RYR3: variants seen among roughly 807,000 people sequenced by gnomAD.
RYR3 encodes the protein ryanodine receptor 3, also known as brain ryanodine receptor-calcium release channel.
In RYR3, 207 loss-of-function variants were observed where a neutral mutation model predicts 584.3. The ratio of observed to expected loss-of-function variants is 0.35; its 90% CI spans 0.32 to 0.40. The LOEUF (loss-of-function observed/expected upper bound fraction) is 0.40. Among genes scored for constraint, RYR3 ranks in the 10% least tolerant of loss-of-function variants. RYR3 has a pLI of 1.00. For synonymous variants in RYR3, 2,416 were observed against 2,248.5 expected (o/e 1.07, Z -2.11); for missense variants, 5,616 against 6,089.2 (o/e 0.92, Z 2.59).
At chr15:33,795,285 C>T (rs2075529873) in intron 67 of RYR3, among the ~76,000 whole-genome samples, 1 of 152,046 alleles carries the variant, frequency 6.6e-6, no homozygotes, top group African/African-American at 2.4e-5. Context: ...AAGCAAGAAC[C>T]AGCTGTGGTG....
intron 18 of RYR3, among the ~76,000 whole-genome samples, chr15:33,604,401 T>C (rs1311703543): frequency 1.3e-5 from 2 of 152,268 alleles, no homozygotes; most frequent in South Asian, 2.1e-4. Flanking sequence ...CTTCTTTTAA[T>C]TGGTCTTCAT....
At chr15:33,560,103 T>C (rs2152479358) in intron 10 of RYR3, among the ~76,000 whole-genome samples, 1 of 152,342 alleles carries the variant, frequency 6.6e-6, no homozygotes, top group Middle Eastern at 3.4e-3. Context: ...GCTGGGACCA[T>C]ATTCAAGTAA....
intron 1 of RYR3, among the ~76,000 whole-genome samples, chr15:33,375,996 G>A (rs1438808999): frequency 3.3e-5 from 5 of 152,078 alleles, no homozygotes; most frequent in African/African-American, 4.8e-5. Context: ...CCCGGGAGGC[G>A]GAGCTTACAG....
At chr15:33,789,307 T>C (rs2074944924) in intron 67 of RYR3, among the ~76,000 whole-genome samples, 1 of 151,896 alleles carries the variant, frequency 6.6e-6, no homozygotes, top group Non-Finnish European at 1.5e-5. Context: ...GAGTCTGTAA[T>C]GTGATCTGAT....
chr15:33,597,070 A>G (rs1401246321), intron 16 of RYR3, among the ~76,000 whole-genome samples: 2 of 152,252 alleles, frequency 1.3e-5, no homozygotes, highest in Non-Finnish European at 2.9e-5. Flanking sequence ...ACTAAATTCA[A>G]GATACAACTA....
intron 8 of RYR3, 69 bp downstream of exon 8, chr15:33,543,784 A>G (rs1046387462): frequency 8.7e-6 from 9 of 1,030,388 alleles, no homozygotes; most frequent in African/African-American, 1.6e-5. Context: ...AAGAGTTTAC[A>G]TTGTATTTAG....
At chr15:33,573,396 A>G (rs913909656) in intron 12 of RYR3, among the ~76,000 whole-genome samples, 22 of 152,234 alleles carry the variant, frequency 1.4e-4, no homozygotes, top group Non-Finnish European at 1.3e-4. Flanking sequence ...CTGGGAGCAC[A>G]TTAAGGCTAA....
intron 1 of RYR3, among the ~76,000 whole-genome samples, chr15:33,314,502 G>A (rs1013197379): frequency 1.3e-5 from 2 of 152,088 alleles, no homozygotes; most frequent in African/African-American, 2.4e-5. Flanking sequence ...TTTTCCTTTA[G>A]ACTACAGTAT....
At chr15:33,648,986 CTGTGT>C (rs927689402) in intron 30 of RYR3, 81 bp from the exon 31 acceptor site, 160 of 1,333,176 alleles carry the variant, frequency 1.2e-4, no homozygotes, top group Middle Eastern at 8.3e-4. Context: ...AAGTGAGCTG[CTGTGT>C]TATTTCTGCC....
intron 1 of RYR3, among the ~76,000 whole-genome samples, chr15:33,324,087 A>G (rs1401899237): frequency 6.6e-6 from 1 of 152,130 alleles, no homozygotes; most frequent in East Asian, 1.9e-4. Flanking sequence ...GACATGGTAC[A>G]TGGAATTCCT....
At chr15:33,482,970 C>A (rs971539445) in intron 2 of RYR3, among the ~76,000 whole-genome samples, 11 of 152,120 alleles carry the variant, frequency 7.2e-5, no homozygotes, top group Admixed American at 7.2e-4. Context: ...TTTTCTTCAA[C>A]TATTTTTTTA....
intron 1 of RYR3, among the ~76,000 whole-genome samples, chr15:33,419,948 A>C (rs2044116892): frequency 6.6e-6 from 1 of 152,186 alleles, no homozygotes; most frequent in South Asian, 2.1e-4. Context: ...TGCCAAGCAC[A>C]CTTGAGAACT....
At chr15:33,443,392 C>T (rs76321363) in intron 1 of RYR3, among the ~76,000 whole-genome samples, 2,793 of 152,118 alleles carry the variant, frequency 0.018, 77 homozygotes, top group African/African-American at 0.061. Flanking sequence ...AGGCTACCAG[C>T]AACATTAAGA....
At chr15:33,781,860 G>GT (rs2074404004) in intron 65 of RYR3, among the ~76,000 whole-genome samples, 4 of 124,760 alleles carry the variant, frequency 3.2e-5, no homozygotes, top group Non-Finnish European at 6.6e-5. Flanking sequence ...AAAAAAAAAA[G>GT]GGGGGGGGGA....
At chr15:33,807,906 C>T (rs2076289761) in intron 70 of RYR3, 1 of 334,852 alleles carries the variant, frequency 3.0e-6, no homozygotes, top group African/African-American at 2.1e-5. Flanking sequence ...GGGACTACTC[C>T]TCGTGGTGCT....
chr15:33,800,903 G>T (rs1440459536), intron 68 of RYR3, 46 bp downstream of exon 68: 2 of 1,317,270 alleles, frequency 1.5e-6, no homozygotes, highest in African/African-American at 2.9e-5. Context: ...TGTGAAAGCT[G>T]CAGACCGTGG....
rs1232489974 is a variant in RYR3, at chr15:33,479,284, CTAAA to C, written c.171+5747_171+5750del. ...CTGAGAAAGAGATTACTGTTTCCTCCTAAAAAATTAAGTCTGTGAAGATTTGCAG... is the reference window on the plus strand; with the variant it reads ...CTGAGAAAGAGATTACTGTTTCCTCCAAATTAAGTCTGTGAAGATTTGCAG... On this transcript the variant is annotated intron_variant, in intron 2 of 103. Transcript: ENST00000634891. Among the ~76,000 whole-genome samples the C allele has an allele frequency of 2.0e-5, 3 of 151,926 alleles. No individual in the cohort carries two copies. The East Asian group carries it at 5.8e-4, about 29-fold the overall frequency.
rs893655529 is a variant in RYR3 at position 33,819,743 on chromosome 15, C to T, written c.10707-13C>T. 2 of 1,481,886 alleles carry T rather than the reference C, an allele frequency of 1.3e-6. No homozygotes were observed. Among genetic ancestry groups the T allele is most frequent in the Non-Finnish European group, 1.8e-6 (2 of 1,103,372 alleles). 91.8% of individuals were successfully genotyped at this position (1,481,886 alleles called of 1,614,324 possible). On this transcript the variant is annotated splice_polypyrimidine_tract_variant and intron_variant, in intron 76 of 103. Transcript: ENST00000634891. ...ATAAAAAGCCTGCTAAATATTTCCT[C>T]CATTCTTTCCAGCAAATTGGAAGAC...
rs142025672 is a variant in RYR3, at chr15:33,705,309, C to T, written c.6484-1610C>T. ...GAAGGAAAAAGTGTGGTGATAGATTCTTGCTGAGTTTGGCCTTATTTTTAT... is the reference window on the plus strand; with the variant it reads ...GAAGGAAAAAGTGTGGTGATAGATTTTTGCTGAGTTTGGCCTTATTTTTAT... On this transcript the variant is annotated intron_variant, in intron 42 of 103. Coordinates refer to ENST00000634891, the MANE Select transcript of RYR3 (RefSeq NM_001036.6). 2.5e-3 allele frequency among the ~76,000 whole-genome samples: 380 copies of T among 152,264 alleles called. 2 individuals carry two copies. Among genetic ancestry groups the T allele is most frequent in the African/African-American group, 8.6e-3 (357 of 41,540 alleles).
Sources: gnomAD v4.1 joint callset for allele counts (sites outside exome capture counted in the v4.1 genomes callset) on GRCh38, gnomAD v4.1.1 for gene constraint, MANE v1.5 for transcripts, NCBI Gene and HGNC (gene_info 2026-07-23, HGNC 2026-07-21) for gene names.